Variants in RALGAPA1 observed in about 807,000 individuals in gnomAD.
The protein encoded by RALGAPA1 is Ral GTPase activating protein catalytic subunit alpha 1, also known as ral GTPase-activating protein subunit alpha-1.
A neutral mutation model predicts 269.6 loss-of-function variants in RALGAPA1; 52 were observed. The observed-to-expected ratio is 0.19, with a 90% CI of 0.15 to 0.24. The LOEUF is 0.24. Among genes scored for constraint, RALGAPA1 ranks in the 10% least tolerant of loss-of-function variants. RALGAPA1 has a pLI of 1.00. For missense variants in RALGAPA1, 1,917 were observed against 3,013.9 expected (o/e 0.64, Z 8.52); for synonymous variants, 817 against 1,008.3 (o/e 0.81, Z 3.60).
intron 23 of RALGAPA1, 52 bp from the exon 24 acceptor site, chr14:35,674,330 C>T: frequency 6.9e-7 from 1 of 1,446,834 alleles, no homozygotes; most frequent in Non-Finnish European, 9.5e-7. Flanking sequence ...TTATCTCTTC[C>T]AGTTTACCTT....
chr14:35,756,983 T>C, intron 6 of RALGAPA1, 75 bp from the exon 7 acceptor site: 1 of 1,285,288 alleles, frequency 7.8e-7, no homozygotes, highest in East Asian at 3.0e-5. Context: ...AAATAAACTT[T>C]AACTGCAAAA....
At chr14:35,722,189 T>A (rs185676055) in intron 15 of RALGAPA1, among the ~76,000 whole-genome samples, 2 of 152,336 alleles carry the variant, frequency 1.3e-5, no homozygotes, top group East Asian at 3.9e-4. Flanking sequence ...TTACTAAATC[T>A]CTAATCTGCC....
chr14:35,705,821 T>G (rs1311586383), intron 16 of RALGAPA1, among the ~76,000 whole-genome samples: 1 of 152,186 alleles, frequency 6.6e-6, no homozygotes, highest in Non-Finnish European at 1.5e-5. Flanking sequence ...CATTTGGTGT[T>G]GTCAGTGTTT....
intron 1 of RALGAPA1, among the ~76,000 whole-genome samples, chr14:35,797,247 G>C (rs2076632228): frequency 6.6e-6 from 1 of 150,854 alleles, no homozygotes; most frequent in African/African-American, 2.4e-5. Flanking sequence ...CCAGCTACTA[G>C]GGGGCTGAAG....
In RALGAPA1 at chr14:35,672,976, T is replaced by A. The variant is rs1461963497; in HGVS notation, c.4964A>T (p.Tyr1655Phe). 3.2e-6 allele frequency: 5 copies of A among 1,563,780 alleles called. No individual in the cohort carries two copies. In the South Asian group the frequency reaches 6.0e-5, roughly 19 times the overall value. The stretch of plus-strand genomic sequence containing the variant: ...TTTCATTGTATTACAAATAAGTTTA[T>A]ATGCATGTAATTTACCTTGTTTATA... ...DKYKQGKLHAYKLICNTMKRR... is the reference protein window; with the variant it reads ...DKYKQGKLHAFKLICNTMKRR... The change falls in exon 25 of 42, where the codon TAT (tyrosine) becomes TTT (phenylalanine). Residue 1655 changes from tyrosine to phenylalanine, a missense_variant. Transcript: ENST00000680220.
At chr14:35,704,210 A>G (rs932106822) in intron 16 of RALGAPA1, among the ~76,000 whole-genome samples, 7 of 152,180 alleles carry the variant, frequency 4.6e-5, no homozygotes, top group African/African-American at 1.7e-4. Context: ...ATATGCTCCA[A>G]AAGTTGAACA....
rs945069091 is a variant in RALGAPA1 at position 35,689,800 on chromosome 14, C to A, written c.2611G>T (p.Ala871Ser). ...VPVIDSSSRHAPSLQSSTEAS... is the reference protein window; with the variant it reads ...VPVIDSSSRHSPSLQSSTEAS... ...TCTGTGGAACTCTGCAAGCTTGGTG[C>A]ATGACGGGATGAACTGTCAATGACA... is the stretch of plus-strand genomic sequence containing the variant. Residue 871 changes from alanine (A) to serine (S), a missense_variant, in exon 18 of 42, where the codon GCA (alanine) becomes TCA (serine). Physicochemically the swap from Ala to Ser is moderately conservative, Grantham distance 99. Coordinates refer to ENST00000680220, the MANE Select transcript of RALGAPA1 (RefSeq NM_001346249.2). 1.9e-6 allele frequency: 3 copies of A among 1,561,330 alleles called. No individual in the cohort carries two copies. Among genetic ancestry groups the A allele is most frequent in the African/African-American group, 2.8e-5 (2 of 70,672 alleles).
At chr14:35,595,147 G>T (rs1047091625) in intron 37 of RALGAPA1, among the ~76,000 whole-genome samples, 1 of 151,792 alleles carries the variant, frequency 6.6e-6, no homozygotes, top group Non-Finnish European at 1.5e-5. Context: ...GGTTACCAGG[G>T]GTGGAGTGGG....
chr14:35,785,638 G>A (rs1416632559), intron 1 of RALGAPA1, among the ~76,000 whole-genome samples: 3 of 152,136 alleles, frequency 2.0e-5, no homozygotes, highest in Admixed American at 6.6e-5. Context: ...ATTTGTCACA[G>A]ACCAGTGCTT....
Position 35,627,486 on chromosome 14 carries a change from A to G in RALGAPA1, c.6461T>C (p.Leu2154Ser). The change falls in exon 34 of 42, where the codon TTA (leucine) becomes TCA (serine). Residue 2154 changes from leucine (L) to serine (S), a missense_variant. Leu to Ser is a moderately radical substitution (Grantham distance 145). Transcript: ENST00000680220. Reference protein sequence around the residue: ...PEEPPTSNECLEDITVKDGLS... With the variant: ...PEEPPTSNECSEDITVKDGLS... Reference sequence around the variant, plus strand: ...TCCATCTTTTACGGTTATATCTTCTAAGCATTCATTAGATGTCGGAGGCTC... The same window carrying G: ...TCCATCTTTTACGGTTATATCTTCTGAGCATTCATTAGATGTCGGAGGCTC... The G allele has an allele frequency of 6.2e-7, 1 of 1,612,558 alleles. No homozygotes were observed. The highest frequency in any genetic ancestry group is 8.5e-7 in the Non-Finnish European group (1 of 1,179,680).
intron 6 of RALGAPA1, among the ~76,000 whole-genome samples, chr14:35,760,534 C>T (rs1428321230): frequency 6.6e-6 from 1 of 152,244 alleles, no homozygotes; most frequent in Admixed American, 6.5e-5. Flanking sequence ...AATAAAGACT[C>T]TTGCCCATGT....
In RALGAPA1 at chr14:35,688,779, A is replaced by G; in HGVS notation, c.3632T>C (p.Val1211Ala). 7.0e-7 allele frequency: 1 copy of G among 1,420,438 alleles called. No homozygotes were observed. The allele number at this position is 1,420,438 out of a possible 1,614,324, so 88.0% of individuals were successfully genotyped here. A position where few individuals can be genotyped will look rare whatever the true frequency, so the allele number is the denominator to read the frequency against. Residue 1211 changes from valine to alanine, a missense_variant, in exon 18 of 42, where the codon GTG becomes GCG. Val to Ala is a moderately conservative substitution (Grantham distance 64). Coordinates refer to ENST00000680220, the MANE Select transcript of RALGAPA1 (RefSeq NM_001346249.2). ...NSATELVKPGVYRPLDTLGTA... is the reference protein window; with the variant it reads ...NSATELVKPGAYRPLDTLGTA... ...ACCAAGTGTATCTAGAGGTCTGTACACACCAGGTTTTACTAGCTCTGTAGC... is the reference window on the plus strand; with the variant it reads ...ACCAAGTGTATCTAGAGGTCTGTACGCACCAGGTTTTACTAGCTCTGTAGC...
intron 1 of RALGAPA1, among the ~76,000 whole-genome samples, chr14:35,802,591 A>G (rs1283067075): frequency 1.3e-5 from 2 of 151,618 alleles, no homozygotes; most frequent in Non-Finnish European, 2.9e-5. Flanking sequence ...AATATCGTCA[A>G]TTTTCCCAAA....
At chr14:35,599,903 T>A (rs1306553388) in intron 36 of RALGAPA1, among the ~76,000 whole-genome samples, 4 of 152,218 alleles carry the variant, frequency 2.6e-5, no homozygotes, top group African/African-American at 4.8e-5. Context: ...TTTCTCTGGA[T>A]GCTTTCAAGA....
intron 39 of RALGAPA1, among the ~76,000 whole-genome samples, chr14:35,562,869 A>G (rs1373027320): frequency 6.6e-6 from 1 of 151,426 alleles, no homozygotes; most frequent in Non-Finnish European, 1.5e-5. Flanking sequence ...AAAATACAAA[A>G]AATTAGCTGG....
intron 17 of RALGAPA1, among the ~76,000 whole-genome samples, chr14:35,693,112 C>T (rs1177536969): frequency 6.6e-6 from 1 of 151,782 alleles, no homozygotes; most frequent in East Asian, 1.9e-4. Context: ...AATAATACAT[C>T]ATATATGTTT....
intron 4 of RALGAPA1, among the ~76,000 whole-genome samples, chr14:35,763,811 G>A (rs2073925237): frequency 6.7e-6 from 1 of 150,192 alleles, no homozygotes; most frequent in African/African-American, 2.5e-5. Flanking sequence ...GAGAGAGAGA[G>A]GAATAAAATT....
Position 35,548,397 on chromosome 14 carries a change from G to A in RALGAPA1, c.*23+111C>T, listed in dbSNP as rs190658335. On this transcript the variant is annotated intron_variant, in intron 41 of 41. Coordinates refer to ENST00000680220, the MANE Select transcript of RALGAPA1 (RefSeq NM_001346249.2). ...ATTTCTGAAATGTTTAGTATGAACCGGACAGTGTTAAGTTTACTTATTGTT... is the reference window on the plus strand; with the variant it reads ...ATTTCTGAAATGTTTAGTATGAACCAGACAGTGTTAAGTTTACTTATTGTT... 1.4e-3 allele frequency: 924 copies of A among 667,644 alleles called. 4 individuals carry two copies. In the Middle Eastern group the frequency reaches 0.015, roughly 11 times the overall value. The allele number at this position is 667,644 out of a possible 1,614,324, so 41.4% of individuals were successfully genotyped here. A position where few individuals can be genotyped will look rare whatever the true frequency, so the allele number is the denominator to read the frequency against.
chr14:35,791,672 T>G (rs562562141), intron 1 of RALGAPA1, among the ~76,000 whole-genome samples: 1 of 151,106 alleles, frequency 6.6e-6, no homozygotes, highest in African/African-American at 2.4e-5. Context: ...TTTGGGAGGC[T>G]GAGGTGGGCG....
Sources: allele counts gnomAD v4.1 joint callset (sites outside exome capture counted in the v4.1 genomes callset), GRCh38; gene constraint gnomAD v4.1.1; transcripts MANE v1.5; gene names NCBI Gene and HGNC (gene_info 2026-07-23, HGNC 2026-07-21).